Variants in DLC1 observed in about 807,000 individuals in gnomAD.
DLC1 encodes rho GTPase-activating protein 7.
A neutral mutation model predicts 140.3 loss-of-function variants in DLC1; 54 were observed. That is an observed-to-expected ratio of 0.38 (90% confidence interval 0.31 to 0.48). DLC1 has a LOEUF of 0.48. Among genes scored for constraint, DLC1 ranks in the 20% least tolerant of loss-of-function variants. DLC1 has a pLI of 0.96. For missense variants in DLC1, 2,536 were observed against 1,907.0 expected, an observed-to-expected ratio of 1.33 and a Z score of -6.14; for synonymous variants, 986 against 728.1, an observed-to-expected ratio of 1.35 and a Z score of -5.70.
intron 2 of DLC1, among the ~76,000 whole-genome samples, chr8:13,408,337 G>C (rs1041796428): frequency 6.6e-6 from 1 of 152,116 alleles, no homozygotes; most frequent in Non-Finnish European, 1.5e-5. Flanking sequence ...ATTAATTAGC[G>C]ATCATGGCTT....
chr8:13,461,380 A>G (rs1563367567), intron 2 of DLC1, among the ~76,000 whole-genome samples: 1 of 152,226 alleles, frequency 6.6e-6, no homozygotes, highest in African/African-American at 2.4e-5. Context: ...ACAAACATGT[A>G]CAGGAGCTTC....
chr8:13,551,075 C>CACACACACACACACACT lies in DLC1; in HGVS notation c.-125-50880_-125-50879insAGTGTGTGTGTGTGTGT, dbSNP rs71207163. ...ACACACACACACACACACACACACA[C>CACACACACACACACACT]TTTTTTTTTTTTTCCAAAGAACACT... On this transcript the variant is annotated intron_variant, in intron 1 of 1. Transcript: ENST00000631382. 4.1e-3 allele frequency among the ~76,000 whole-genome samples: 494 copies of CACACACACACACACACT among 121,658 alleles called. 8 individuals carry two copies. Among genetic ancestry groups the CACACACACACACACACT allele is most frequent in the African/African-American group, 0.015 (478 of 32,818 alleles). 79.8% of individuals were successfully genotyped at this position (121,658 alleles called of 152,430 possible).
intron 5 of DLC1, among the ~76,000 whole-genome samples, chr8:13,136,482 G>A (rs1416174727): frequency 1.3e-5 from 2 of 152,296 alleles, no homozygotes; most frequent in Non-Finnish European, 2.9e-5. Context: ...ATGGCCTCCA[G>A]CTGCATTCAT....
chr8:13,209,230 T>G (rs1827820493), intron 5 of DLC1, among the ~76,000 whole-genome samples: 1 of 152,198 alleles, frequency 6.6e-6, no homozygotes, highest in Non-Finnish European at 1.5e-5. Flanking sequence ...TATCAACCTA[T>G]GTATCCTTAT....
At chr8:13,404,501 CATAT>C (rs1213219201) in intron 2 of DLC1, among the ~76,000 whole-genome samples, 3 of 152,054 alleles carry the variant, frequency 2.0e-5, no homozygotes, top group Non-Finnish European at 4.4e-5. Context: ...TTGATAGTTA[CATAT>C]ATAGTTATAA....
intron 4 of DLC1, among the ~76,000 whole-genome samples, chr8:13,320,943 C>G (rs1671397): frequency 0.85 from 129,793 of 152,154 alleles, 55,819 homozygotes; most frequent in East Asian, 0.95. Flanking sequence ...GCTGCACACA[C>G]CAGCTCCCCT....
At chr8:13,140,713 TCTTA>T (rs1470223602) in intron 5 of DLC1, among the ~76,000 whole-genome samples, 1 of 152,122 alleles carries the variant, frequency 6.6e-6, no homozygotes, top group Non-Finnish European at 1.5e-5. Flanking sequence ...AATTTAAAGG[TCTTA>T]CTTATTTGTT....
At chr8:13,587,540 A>G (rs867093705) in intron 1 of DLC1, among the ~76,000 whole-genome samples, 6 of 141,948 alleles carry the variant, frequency 4.2e-5, no homozygotes, top group Admixed American at 1.5e-4. Flanking sequence ...CACAAATGTG[A>G]CTATACACAC....
At chr8:13,354,121 C>G (rs6995689) in intron 4 of DLC1, among the ~76,000 whole-genome samples, 1 of 151,306 alleles carries the variant, frequency 6.6e-6, no homozygotes, top group African/African-American at 2.4e-5. Flanking sequence ...TGCCCCATGT[C>G]TTTGCTTGGC....
At chr8:13,223,784 A>T in intron 5 of DLC1, among the ~76,000 whole-genome samples, 1 of 152,232 alleles carries the variant, frequency 6.6e-6, no homozygotes, top group East Asian at 1.9e-4. Flanking sequence ...TTTTAGCTTT[A>T]AAGTCTTTAA....
At chr8:13,130,791 A>G (rs947538640) in intron 5 of DLC1, among the ~76,000 whole-genome samples, 26 of 152,170 alleles carry the variant, frequency 1.7e-4, no homozygotes, top group African/African-American at 6.0e-4. Flanking sequence ...CCCTTTTTGA[A>G]CTTCCAGGCT....
At position 13,090,446 on chromosome 8, in the gene DLC1, G is replaced by C. The variant is rs747060194; in HGVS notation, c.3880C>G (p.Arg1294Gly). 1 of 1,614,072 alleles carries C rather than the reference G, an allele frequency of 6.2e-7. No individual in the cohort carries two copies. ...FQVPEEMSRCRNSYTEQELKP... is the reference protein window; with the variant it reads ...FQVPEEMSRCGNSYTEQELKP... Reference sequence around the variant, plus strand: ...AGCTCTTGTTCGGTATAGGAATTACGACATCGGCTCATTTCCTCGGGAACC... The same window carrying C: ...AGCTCTTGTTCGGTATAGGAATTACCACATCGGCTCATTTCCTCGGGAACC... The change falls in exon 15 of 18, where the codon CGT becomes GGT. Residue 1294 changes from arginine to glycine, a missense_variant. Transcript: ENST00000276297.
chr8:13,250,705 G>T (rs982572135), intron 5 of DLC1, among the ~76,000 whole-genome samples: 1 of 149,566 alleles, frequency 6.7e-6, no homozygotes, highest in African/African-American at 2.5e-5. Flanking sequence ...TGCCAGGATA[G>T]AAGAGATTTA....
At chr8:13,188,832 TATATATATA>T (rs1826563016) in intron 5 of DLC1, among the ~76,000 whole-genome samples, 1 of 29,150 alleles carries the variant, frequency 3.4e-5, no homozygotes, top group African/African-American at 1.0e-4. Context: ...TATATGTATA[TATATATATA>T]TATTTTTTTT....
chr8:13,303,535 C>G lies in DLC1; in HGVS notation c.1348+1734G>C, dbSNP rs534851143. Among the ~76,000 whole-genome samples the G allele has an allele frequency of 7.9e-5, 12 of 152,290 alleles. No homozygotes were observed. The East Asian group carries it at 2.3e-3, about 29-fold the overall frequency. The stretch of plus-strand genomic sequence containing the variant: ...TTTAAAAATATTTTCATGCCAGGTG[C>G]TCACACCTGTAATCCCAGCACTTTG... On this transcript the variant is annotated intron_variant, in intron 5 of 17. Coordinates refer to ENST00000276297, the MANE Select transcript of DLC1 (RefSeq NM_182643.3).
At chr8:13,251,430 A>G (rs1829999374) in intron 5 of DLC1, among the ~76,000 whole-genome samples, 1 of 152,192 alleles carries the variant, frequency 6.6e-6, no homozygotes, top group African/African-American at 2.4e-5. Flanking sequence ...GGGATTTGGG[A>G]AATATAGTCC....
intron 5 of DLC1, chr8:13,214,359 T>G (rs969653245): frequency 9.4e-5 from 32 of 341,856 alleles, no homozygotes; most frequent in Non-Finnish European, 1.7e-4. Context: ...AGTTTCCCTT[T>G]TAGCTTTCGG....
intron 5 of DLC1, among the ~76,000 whole-genome samples, chr8:13,301,034 C>A (rs771729376): frequency 2.0e-5 from 3 of 151,816 alleles, no homozygotes; most frequent in African/African-American, 7.3e-5. Flanking sequence ...AGCCTGGGAG[C>A]GGCAGGAGAA....
At chr8:13,488,185 A>T (rs1404265492) in intron 2 of DLC1, among the ~76,000 whole-genome samples, 3 of 152,242 alleles carry the variant, frequency 2.0e-5, no homozygotes, top group Non-Finnish European at 4.4e-5. Context: ...TATTAAAAAC[A>T]TTCCGTACAT....
Sources: allele counts gnomAD v4.1 joint callset (sites outside exome capture counted in the v4.1 genomes callset), GRCh38; gene constraint gnomAD v4.1.1; transcripts MANE v1.5; gene names NCBI Gene and HGNC (gene_info 2026-07-23, HGNC 2026-07-21).